Variants in SKAP2 observed in about 807,000 individuals in gnomAD.
SKAP2 encodes the protein src kinase-associated phosphoprotein 2.
SKAP2 carries 28 observed loss-of-function variants against 54.9 expected under a neutral mutation model. That is an observed-to-expected ratio of 0.51 (90% CI 0.38 to 0.70). The LOEUF (loss-of-function observed/expected upper bound fraction) is 0.70, where lower values mean the gene tolerates loss of function less well. Among genes scored for constraint, SKAP2 ranks in the 30% least tolerant of loss-of-function variants. SKAP2 has a pLI of 0.00. For missense variants in SKAP2, 356 were observed against 424.1 expected (o/e 0.84, Z 1.41); for synonymous variants, 137 against 134.3 (o/e 1.02, Z -0.14).
At chr7:26,835,261 G>A (rs1156456095) in intron 4 of SKAP2, among the ~76,000 whole-genome samples, 2 of 152,146 alleles carry the variant, frequency 1.3e-5, no homozygotes, top group Non-Finnish European at 2.9e-5. Context: ...GCAAAAGCTG[G>A]AAGCATTCCC....
intron 4 of SKAP2, among the ~76,000 whole-genome samples, chr7:26,829,447 T>G (rs983712708): frequency 6.6e-6 from 1 of 151,778 alleles, no homozygotes; most frequent in Admixed American, 6.6e-5. Flanking sequence ...AGAGGCTGAG[T>G]TGAGAGGATT....
chr7:26,853,274 C>T (rs564189271), intron 3 of SKAP2, among the ~76,000 whole-genome samples: 1 of 152,090 alleles, frequency 6.6e-6, no homozygotes, highest in African/African-American at 2.4e-5. Flanking sequence ...TAGAAGATGC[C>T]ATACTGTGTG....
chr7:26,687,126 C>T (rs1011819820), intron 10 of SKAP2, among the ~76,000 whole-genome samples: 9 of 150,716 alleles, frequency 6.0e-5, no homozygotes, highest in African/African-American at 1.2e-4. Flanking sequence ...ATTTCTAACA[C>T]ATAATCCTTA....
intron 4 of SKAP2, among the ~76,000 whole-genome samples, chr7:26,785,955 C>G (rs1328910929): frequency 6.6e-6 from 1 of 152,108 alleles, no homozygotes; most frequent in African/African-American, 2.4e-5. Flanking sequence ...TTTCAGGGAC[C>G]CTGGGAACTG....
chr7:26,692,947 G>T (rs1316103576), intron 9 of SKAP2, among the ~76,000 whole-genome samples: 1 of 152,080 alleles, frequency 6.6e-6, no homozygotes, highest in African/African-American at 2.4e-5. Context: ...TCAATAGTAA[G>T]AAATAAATTA....
chr7:26,689,620 T>C (rs528555489), intron 10 of SKAP2, among the ~76,000 whole-genome samples: 2 of 152,238 alleles, frequency 1.3e-5, no homozygotes, highest in Non-Finnish European at 2.9e-5. Flanking sequence ...CTGCTGTCAC[T>C]GGACTCTGGC....
At chr7:26,676,530 T>G (rs1200296198) in intron 11 of SKAP2, among the ~76,000 whole-genome samples, 1 of 152,180 alleles carries the variant, frequency 6.6e-6, no homozygotes, top group Non-Finnish European at 1.5e-5. Context: ...TCGATTTCTT[T>G]ACCTATAAAG....
intron 9 of SKAP2, among the ~76,000 whole-genome samples, chr7:26,716,136 T>C (rs1262587536): frequency 6.6e-6 from 1 of 152,228 alleles, no homozygotes; most frequent in Non-Finnish European, 1.5e-5. Context: ...AATGTTACTT[T>C]ATATCTTTTT....
chr7:26,789,268 TTACA>T (rs1301266025), intron 4 of SKAP2, among the ~76,000 whole-genome samples: 1 of 152,220 alleles, frequency 6.6e-6, no homozygotes, highest in African/African-American at 2.4e-5. Flanking sequence ...AACATTTTTA[TTACA>T]TAGTTAAGTT....
intron 10 of SKAP2, among the ~76,000 whole-genome samples, chr7:26,688,409 G>T (rs550084311): frequency 2.0e-5 from 3 of 152,112 alleles, no homozygotes; most frequent in African/African-American, 7.2e-5. Context: ...GTGGTGGGGG[G>T]TTTAGTAAAA....
rs140555241 is a variant in SKAP2, at chr7:26,772,475, T to C, written c.308-32511A>G. ...TAGCTCCCACTTACAAGTGAGAACA[T>C]AGGGTATGTGGTTTTCTGTTCCTGT... On this transcript the variant is annotated intron_variant, in intron 4 of 12. Coordinates refer to ENST00000345317, the MANE Select transcript of SKAP2 (RefSeq NM_003930.5). Among the ~76,000 whole-genome samples the C allele has an allele frequency of 4.7e-4, 71 of 152,318 alleles. 1 individual carries two copies. The highest frequency in any genetic ancestry group is 1.7e-3 in the African/African-American group (70 of 41,576).
At position 26,725,485 on chromosome 7, in the gene SKAP2, T is replaced by C; in HGVS notation, c.739A>G (p.Ser247Gly). The change falls in exon 9 of 13, where the codon AGC becomes GGC. Residue 247 changes from serine (S) to glycine (G), a missense_variant. By Grantham distance (56) the Ser-to-Gly change is moderately conservative (BLOSUM62 0). Coordinates refer to ENST00000345317, the MANE Select transcript of SKAP2 (RefSeq NM_003930.5). ...GGTTGACTGCTTGTTAGTGGATTGC[T>C]TATTGGTAGAGGATGATCAACATCA... Reference protein sequence around the residue: ...YDDVDHPLPISNPLTSSQPID... With the variant: ...YDDVDHPLPIGNPLTSSQPID... 3 of 1,612,444 alleles carry C rather than the reference T, an allele frequency of 1.9e-6. No homozygotes were observed. Among genetic ancestry groups the C allele is most frequent in the Non-Finnish European group, 2.5e-6 (3 of 1,179,472 alleles).
chr7:26,852,923 G>A (rs551273162), intron 3 of SKAP2, among the ~76,000 whole-genome samples: 7 of 152,138 alleles, frequency 4.6e-5, no homozygotes, highest in Non-Finnish European at 1.0e-4. Flanking sequence ...TAATTAAAAT[G>A]CATAAATTCA....
At chr7:26,776,704 C>A (rs1783317997) in intron 4 of SKAP2, among the ~76,000 whole-genome samples, 1 of 152,228 alleles carries the variant, frequency 6.6e-6, no homozygotes, top group African/African-American at 2.4e-5. Flanking sequence ...AACAGCTTGT[C>A]CCTACTTCTG....
chr7:26,680,692 G>A (rs1215520839), intron 11 of SKAP2, among the ~76,000 whole-genome samples: 32 of 152,216 alleles, frequency 2.1e-4, no homozygotes, highest in Non-Finnish European at 4.4e-5. Flanking sequence ...TATGTGAATA[G>A]AAGTATAAAG....
At chr7:26,863,106 C>T (rs1785302076) in intron 1 of SKAP2, among the ~76,000 whole-genome samples, 1 of 152,018 alleles carries the variant, frequency 6.6e-6, no homozygotes, top group Non-Finnish European at 1.5e-5. Context: ...AAAGACTATC[C>T]CACCACAAAT....
chr7:26,719,438 C>T (rs776733704), intron 9 of SKAP2, among the ~76,000 whole-genome samples: 5 of 152,242 alleles, frequency 3.3e-5, no homozygotes, highest in Admixed American at 6.5e-5. Context: ...TAAAGCCACT[C>T]GTCAAATTCC....
intron 4 of SKAP2, among the ~76,000 whole-genome samples, chr7:26,818,971 G>A (rs1270162923): frequency 6.6e-6 from 1 of 152,144 alleles, no homozygotes; most frequent in African/African-American, 2.4e-5. Context: ...TACACTGTTC[G>A]TGGGAGTGTA....
At chr7:26,759,751 G>A (rs138357546) in intron 4 of SKAP2, among the ~76,000 whole-genome samples, 131 of 152,152 alleles carry the variant, frequency 8.6e-4, no homozygotes, top group Admixed American at 9.8e-4. Flanking sequence ...GTTGATTATT[G>A]TAGAATGCTT....
Sources: allele counts gnomAD v4.1 joint callset (sites outside exome capture counted in the v4.1 genomes callset), GRCh38; gene constraint gnomAD v4.1.1; transcripts MANE v1.5; gene names NCBI Gene and HGNC (gene_info 2026-07-23, HGNC 2026-07-21).